The following FBXL22 variants were observed in gnomAD, a reference collection of about 807,000 sequenced individuals.
FBXL22 encodes the protein F-box and leucine rich repeat protein 22, also known as F-box and leucine-rich protein 22.
In FBXL22, 13 loss-of-function variants were observed where a neutral mutation model predicts 11.7. The ratio of observed to expected loss-of-function variants is 1.11; its 90% CI spans 0.73 to 1.77. The LOEUF (loss-of-function observed/expected upper bound fraction) is 1.77. Ranked by LOEUF, FBXL22 falls within the 40% of genes most tolerant of loss-of-function variation. The pLI is 0.00. For missense variants in FBXL22, 406 were observed against 320.4 expected, an observed-to-expected ratio of 1.27 and a Z score of -2.04; for synonymous variants, 160 against 144.1, an observed-to-expected ratio of 1.11 and a Z score of -0.79.
chr15:63,598,810 G>T (rs949554036), intron 1 of FBXL22, among the ~76,000 whole-genome samples: 4 of 152,222 alleles, frequency 2.6e-5, no homozygotes, highest in South Asian at 2.1e-4. Context: ...ACTGGACAAG[G>T]CTATTTTGAT....
chr15:63,601,142 C>T lies in FBXL22; in HGVS notation c.*103C>T, dbSNP rs2067365292. On this transcript the variant is annotated 3_prime_UTR_variant, in exon 2 of 2. Coordinates refer to ENST00000638704, the MANE Select transcript of FBXL22 (RefSeq NM_001367807.1). The stretch of plus-strand genomic sequence containing the variant: ...CAGACCACCACCGCATATTCTGAGC[C>T]TCATTTTCCCCGTCTGCACAGTGGG... 1 of 1,370,320 alleles carries T rather than the reference C, an allele frequency of 7.3e-7. No individual in the cohort carries two copies. The highest frequency in any genetic ancestry group is 3.0e-5 in the East Asian group (1 of 33,508). 84.9% of individuals were successfully genotyped at this position (1,370,320 alleles called of 1,614,324 possible). A position where few individuals can be genotyped will look rare whatever the true frequency, so the allele number is the denominator to read the frequency against.
downstream of FBXL22, among the ~76,000 whole-genome samples, chr15:63,605,229 G>A (rs533851383): frequency 1.3e-5 from 2 of 152,344 alleles, no homozygotes; most frequent in Non-Finnish European, 2.9e-5. Flanking sequence ...CTCAGCCCTA[G>A]TTAGAAGACA....
intron 1 of FBXL22, 135 bp from the exon 2 acceptor site, chr15:63,600,562 A>G (rs2067350913): frequency 8.1e-7 from 1 of 1,229,496 alleles, no homozygotes; most frequent in African/African-American, 1.6e-5. Context: ...GGAACCCTGC[A>G]GTGTCATCGC....
chr15:63,601,691 A>C, downstream of FBXL22: 1 of 1,602,826 alleles, frequency 6.2e-7, no homozygotes, highest in East Asian at 2.2e-5. Context: ...CAGTGACCGC[A>C]CTCGCGATTG....
intron 1 of FBXL22, chr15:63,599,358 G>A (rs1249023096): frequency 7.0e-7 from 1 of 1,436,140 alleles, no homozygotes; most frequent in Non-Finnish European, 9.1e-7. Context: ...CAACACCTTT[G>A]AGGCTTAAAC....
chr15:63,601,396 G>C, downstream of FBXL22: 1 of 1,598,676 alleles, frequency 6.3e-7, no homozygotes, highest in Non-Finnish European at 8.5e-7. Context: ...GGGAGGACCT[G>C]ACCACTCGGA....
At position 63,597,587 on chromosome 15, in the gene FBXL22, C is replaced by G. The variant is rs763386687; in HGVS notation, c.195C>G (p.Phe65Leu). The change falls in exon 1 of 2, where the codon TTC (phenylalanine) becomes TTG (leucine). Residue 65 changes from phenylalanine to leucine, a missense_variant. Transcript: ENST00000638704. The surrounding 1 kb of genome is among the most constrained non-coding windows in gnomAD (Gnocchi z 4.3). Reference sequence around the variant, plus strand: ...TCACTGAACTCCAGAAGGACAACTTCCTCCTGGGCCCGGCACTCCGCAGCC... The same window carrying G: ...TCACTGAACTCCAGAAGGACAACTTGCTCCTGGGCCCGGCACTCCGCAGCC... Reference protein sequence around the residue: ...RSLTELQKDNFLLGPALRSLS... With the variant: ...RSLTELQKDNLLLGPALRSLS... The G allele has an allele frequency of 6.2e-7, 1 of 1,613,992 alleles. No individual in the cohort carries two copies. The highest frequency in any genetic ancestry group is 8.5e-7 in the Non-Finnish European group (1 of 1,180,040).
At chr15:63,601,442 G>T, downstream of FBXL22, 1 of 1,577,472 alleles carries the variant, frequency 6.3e-7, no homozygotes, top group East Asian at 2.3e-5. Context: ...ACGGGGGCCA[G>T]GGCTGCCGCG....
downstream of FBXL22, among the ~76,000 whole-genome samples, chr15:63,605,767 C>T (rs1343863989): frequency 2.0e-5 from 3 of 152,212 alleles, no homozygotes; most frequent in Non-Finnish European, 2.9e-5. Context: ...GCCAAGGCAG[C>T]GAATGGTCAC....
chr15:63,604,318 G>C (rs528284449), downstream of FBXL22, among the ~76,000 whole-genome samples: 1 of 152,084 alleles, frequency 6.6e-6, no homozygotes, highest in Non-Finnish European at 1.5e-5. Context: ...TGCATTCCCC[G>C]ACAACCCCCC....
downstream of FBXL22, among the ~76,000 whole-genome samples, chr15:63,602,702 G>T (rs867108850): frequency 6.6e-6 from 1 of 152,142 alleles, no homozygotes; most frequent in African/African-American, 2.4e-5. Flanking sequence ...TCTGAGAAAG[G>T]GTTGACCAAT....
At chr15:63,607,017 G>A (rs2152689637), downstream of FBXL22, among the ~76,000 whole-genome samples, 1 of 151,678 alleles carries the variant, frequency 6.6e-6, no homozygotes, top group Admixed American at 6.6e-5. Flanking sequence ...ACCCTAAGAG[G>A]CCTCTCCTGG....
downstream of FBXL22, chr15:63,601,348 G>A: frequency 3.1e-6 from 5 of 1,603,956 alleles, no homozygotes; most frequent in Non-Finnish European, 4.2e-6. Flanking sequence ...ACCGTCCTCG[G>A]GGACTCCGAT....
At chr15:63,601,272 T>C, downstream of FBXL22, 1 of 1,553,298 alleles carries the variant, frequency 6.4e-7, no homozygotes, top group Non-Finnish European at 8.6e-7. Context: ...CACCACCGCC[T>C]TTCCCCTCTT....
At chr15:63,607,300 C>T (rs888868611), downstream of FBXL22, among the ~76,000 whole-genome samples, 2 of 152,238 alleles carry the variant, frequency 1.3e-5, no homozygotes, top group African/African-American at 2.4e-5. Context: ...CCGCCTCGGC[C>T]TCCCAAAGTG....
chr15:63,601,213 C>G lies in FBXL22; in HGVS notation c.*174C>G. Reference sequence around the variant, plus strand: ...GTTACGATTTTATACATAGGATAAACGCAAGATTAAATGGATATTTGGAAA... The same window carrying G: ...GTTACGATTTTATACATAGGATAAAGGCAAGATTAAATGGATATTTGGAAA... On this transcript the variant is annotated 3_prime_UTR_variant, in exon 2 of 2. Coordinates refer to ENST00000638704, the MANE Select transcript of FBXL22 (RefSeq NM_001367807.1). 1 of 1,493,538 alleles carries G rather than the reference C, an allele frequency of 6.7e-7. No individual in the cohort carries two copies. Among genetic ancestry groups the G allele is most frequent in the Non-Finnish European group, 8.9e-7 (1 of 1,128,882 alleles). The allele number at this position is 1,493,538 out of a possible 1,614,324, so 92.5% of individuals were successfully genotyped here.
At chr15:63,601,499 C>T (rs1370469461), downstream of FBXL22, 1 of 1,548,728 alleles carries the variant, frequency 6.5e-7, no homozygotes. Flanking sequence ...AGCGAGACCC[C>T]GCCGGCTCCC....
the FBXL22 span, among the ~76,000 whole-genome samples, chr15:63,607,622 G>A: frequency 6.6e-6 from 1 of 152,308 alleles, no homozygotes; most frequent in African/African-American, 2.4e-5. Flanking sequence ...TATCTTAGCT[G>A]GCAAAACCTT....
At position 63,597,807 on chromosome 15, in the gene FBXL22, G is replaced by C; in HGVS notation, c.353+62G>C. On this transcript the variant is annotated intron_variant, in intron 1 of 1. Transcript: ENST00000638704. This position sits in a 1 kb window ranked among gnomAD's most constrained non-coding sequence, Gnocchi z 4.3. ...CTAGCTCTGGCTTCCCTCTTGGGGG[G>C]CAGGGAAGAGCAAATTACGAGACCA... The C allele has an allele frequency of 6.9e-7, 1 of 1,443,488 alleles. No homozygotes were observed. Among genetic ancestry groups the C allele is most frequent in the South Asian group, 1.4e-5 (1 of 73,394 alleles). 89.4% of individuals were successfully genotyped at this position (1,443,488 alleles called of 1,614,324 possible).
Sources: gnomAD v4.1 joint callset for allele counts (sites outside exome capture counted in the v4.1 genomes callset) on GRCh38, gnomAD v4.1.1 for gene constraint, Gnocchi (gnomAD v3.1) non-coding constraint, MANE v1.5 for transcripts, NCBI Gene and HGNC (gene_info 2026-07-23, HGNC 2026-07-21) for gene names.